MACF1: variants seen among roughly 807,000 people sequenced by gnomAD.
MACF1 encodes microtubule-actin cross-linking factor 1.
Under a neutral mutation model 854.8 loss-of-function variants are expected in MACF1, and 193 were observed. The observed-to-expected ratio is 0.23, with a 90% confidence interval of 0.20 to 0.25. The LOEUF is 0.25. Ranked by LOEUF, MACF1 falls within the 10% of genes least tolerant of loss-of-function variation. The pLI is 1.00. For missense variants in MACF1, 7,722 were observed against 8,929.1 expected (o/e 0.86, Z 5.45); for synonymous variants, 3,185 against 3,226.7 (o/e 0.99, Z 0.44).
At chr1:39,114,380 A>G (rs911104139) in intron 2 of MACF1, among the ~76,000 whole-genome samples, 5 of 152,156 alleles carry the variant, frequency 3.3e-5, no homozygotes, top group African/African-American at 1.2e-4. Context: ...CCTTCTCTCA[A>G]GAGAAATTCC....
intron 23 of MACF1, among the ~76,000 whole-genome samples, chr1:39,307,973 C>T (rs1182626396): frequency 3.4e-5 from 4 of 117,612 alleles, no homozygotes; most frequent in Admixed American, 1.9e-4. Context: ...GACGCAATCT[C>T]GGCTCACCGC....
chr1:39,311,417 G>T (rs1646298464), intron 26 of MACF1, among the ~76,000 whole-genome samples: 1 of 152,154 alleles, frequency 6.6e-6, no homozygotes, highest in Non-Finnish European at 1.5e-5. Context: ...TACATGCTCT[G>T]TCTGTGACTT....
chr1:39,115,812 A>G lies in MACF1; in HGVS notation c.220+31374A>G, dbSNP rs539521042. On this transcript the variant is annotated intron_variant, in intron 2 of 93. Transcript: ENST00000361689. ...CTCCTGAAGGAAATTGTCCACAGAA[A>G]GGGAGTGGCCAGAAAGGTAAGAGGA... Among the ~76,000 whole-genome samples the G allele has an allele frequency of 2.6e-5, 4 of 152,324 alleles. No homozygotes were observed. In the South Asian group the frequency reaches 6.2e-4, roughly 24 times the overall value.
At chr1:39,203,487 G>A (rs936267047), upstream of MACF1, among the ~76,000 whole-genome samples, 10 of 152,214 alleles carry the variant, frequency 6.6e-5, no homozygotes, top group Admixed American at 4.6e-4. Context: ...TTACAAGCAT[G>A]AGCCACTGCA....
At chr1:39,262,988 G>A (rs953308381) in intron 6 of MACF1, among the ~76,000 whole-genome samples, 2 of 64,862 alleles carry the variant, frequency 3.1e-5, no homozygotes, top group South Asian at 6.6e-4. Flanking sequence ...CCCCCGCCTC[G>A]TCTTGCATCA....
At chr1:39,207,373 C>T (rs971318724) in intron 1 of MACF1, among the ~76,000 whole-genome samples, 2 of 151,690 alleles carry the variant, frequency 1.3e-5, no homozygotes, top group East Asian at 1.9e-4. Flanking sequence ...CTCCGCCTCC[C>T]GGGTTCAAGT....
intron 2 of MACF1, among the ~76,000 whole-genome samples, chr1:39,110,158 A>C (rs988077872): frequency 6.6e-6 from 1 of 151,900 alleles, no homozygotes; most frequent in Non-Finnish European, 1.5e-5. Flanking sequence ...TTGTTTACCT[A>C]AGTGACGCTC....
intron 1 of MACF1, among the ~76,000 whole-genome samples, chr1:39,230,275 C>T (rs1156859018): frequency 6.6e-6 from 1 of 152,126 alleles, no homozygotes; most frequent in Non-Finnish European, 1.5e-5. Context: ...TGCATTGTCA[C>T]ATATATCTTC....
rs1371139953 is a variant in MACF1, at chr1:39,486,628, A to G, written c.*834A>G. On this transcript the variant is annotated 3_prime_UTR_variant, in exon 101 of 101. Coordinates refer to ENST00000564288, the MANE Select transcript of MACF1 (RefSeq NM_001394062.1). ...ATTTGTTTTATCCACTTTTTTTGCT[A>G]TTTATTTAAATGGTCGATCAACTTC... 1 of 152,488 alleles carries G rather than the reference A, an allele frequency of 6.6e-6. No homozygotes were observed. The highest frequency in any genetic ancestry group is 2.4e-5 in the African/African-American group (1 of 41,402). The allele number at this position is 152,488 out of a possible 1,614,324, so 9.4% of individuals were successfully genotyped here. A position where few individuals can be genotyped will look rare whatever the true frequency, so the allele number is the denominator to read the frequency against.
intron 58 of MACF1, among the ~76,000 whole-genome samples, chr1:39,389,751 A>G (rs1444683450): frequency 1.3e-5 from 2 of 152,160 alleles, no homozygotes; most frequent in Non-Finnish European, 2.9e-5. Flanking sequence ...TTAGGGGAGG[A>G]TATTGATGTA....
At chr1:39,304,639 C>G in intron 23 of MACF1, 1 of 514,582 alleles carries the variant, frequency 1.9e-6, no homozygotes, top group Non-Finnish European at 3.5e-6. Context: ...TTTCAGCTCA[C>G]TGCAAGCTCC....
At position 39,310,558 on chromosome 1, in the gene MACF1, G is replaced by A. The variant is rs560593691; in HGVS notation, c.3100+130G>A. On this transcript the variant is annotated intron_variant, in intron 25 of 100. Transcript: ENST00000564288. ...TCCATTTGAGTAGCTACGAACTTGA[G>A]ATAGAGAAGAACTTATAGATGAATT... 3.0e-6 allele frequency: 3 copies of A among 1,004,356 alleles called. No homozygotes were observed. In the South Asian group the frequency reaches 5.3e-5, roughly 18 times the overall value. 62.2% of individuals were successfully genotyped at this position (1,004,356 alleles called of 1,614,324 possible). A position where few individuals can be genotyped will look rare whatever the true frequency, so the allele number is the denominator to read the frequency against.
rs758193998 is a variant in MACF1, at chr1:39,468,600, C to T, written c.21772-15C>T. On this transcript the variant is annotated splice_polypyrimidine_tract_variant and intron_variant, in intron 95 of 100. Coordinates refer to ENST00000564288, the MANE Select transcript of MACF1 (RefSeq NM_001394062.1). The stretch of plus-strand genomic sequence containing the variant: ...TAAGACATATATATTAATTAAGTTT[C>T]CTTTGATTCTACAGTTTGGGGATTC... 1 of 1,601,596 alleles carries T rather than the reference C, an allele frequency of 6.2e-7. No individual in the cohort carries two copies. The highest frequency in any genetic ancestry group is 8.6e-7 in the Non-Finnish European group (1 of 1,168,780).
intron 2 of MACF1, among the ~76,000 whole-genome samples, chr1:39,129,519 G>A (rs1557471417): frequency 6.6e-6 from 1 of 152,164 alleles, no homozygotes; most frequent in African/African-American, 2.4e-5. Context: ...TCTCATTAGA[G>A]TGAATCTGGA....
chr1:39,435,874 G>A lies in MACF1; in HGVS notation c.17988+113G>A, dbSNP rs1643962314. The A allele has an allele frequency of 1.4e-5, 12 of 849,120 alleles. No homozygotes were observed. In the East Asian group the frequency reaches 1.5e-4, roughly 11 times the overall value. The allele number at this position is 849,120 out of a possible 1,614,324, so 52.6% of individuals were successfully genotyped here. ...AATGTCCAGAGCAGCATGTTAATACGTGATCGGTAGATAGAACAGAAAGCT... is the reference window on the plus strand; with the variant it reads ...AATGTCCAGAGCAGCATGTTAATACATGATCGGTAGATAGAACAGAAAGCT... On this transcript the variant is annotated intron_variant, in intron 70 of 100. Coordinates refer to ENST00000564288, the MANE Select transcript of MACF1 (RefSeq NM_001394062.1).
intron 2 of MACF1, among the ~76,000 whole-genome samples, chr1:39,169,594 G>C (rs1413806745): frequency 1.4e-5 from 2 of 142,700 alleles, no homozygotes; most frequent in African/African-American, 2.6e-5. Context: ...GACAGAGCAA[G>C]ACCCTGTCTC....
chr1:39,471,408 G>A (rs1644774542), intron 97 of MACF1, among the ~76,000 whole-genome samples: 1 of 152,188 alleles, frequency 6.6e-6, no homozygotes, highest in South Asian at 2.1e-4. Context: ...CTGGAATGTA[G>A]AGAATGCTAT....
intron 2 of MACF1, among the ~76,000 whole-genome samples, chr1:39,239,816 G>A (rs773997331): frequency 6.1e-4 from 93 of 152,138 alleles, no homozygotes; most frequent in Non-Finnish European, 1.3e-3. Context: ...GAAGCCCCTG[G>A]CTTTCCTGGA....
intron 2 of MACF1, among the ~76,000 whole-genome samples, chr1:39,096,413 C>G (rs1641938064): frequency 6.6e-6 from 1 of 150,864 alleles, no homozygotes; most frequent in Admixed American, 6.6e-5. Flanking sequence ...CCACTTCTCC[C>G]TCCCCAGTTA....
Sources: allele counts gnomAD v4.1 joint callset (sites outside exome capture counted in the v4.1 genomes callset), GRCh38; gene constraint gnomAD v4.1.1; transcripts MANE v1.5; gene names NCBI Gene and HGNC (gene_info 2026-07-23, HGNC 2026-07-21).